The following FAM219A variants were observed in gnomAD, a reference collection of about 807,000 sequenced individuals.
The protein encoded by FAM219A is family with sequence similarity 219 member A.
A neutral mutation model predicts 23.4 loss-of-function variants in FAM219A; 7 were observed. That is an observed-to-expected ratio of 0.30 (90% CI 0.17 to 0.56). The LOEUF is 0.56. Among genes scored for constraint, FAM219A ranks in the 20% least tolerant of loss-of-function variants. FAM219A has a pLI of 0.92. For synonymous variants in FAM219A, 93 were observed against 99.0 expected (o/e 0.94, Z 0.36); for missense variants, 166 against 246.9 (o/e 0.67, Z 2.20).
In FAM219A at chr9:34,417,848, C is replaced by A. The variant is rs892176785; in HGVS notation, c.61-11884G>T. On this transcript the variant is annotated intron_variant, in intron 1 of 5. Transcript: ENST00000651358. The surrounding 1 kb of genome is among the most constrained non-coding windows in gnomAD (Gnocchi z 4.1). Reference sequence around the variant, plus strand: ...ACAAAATACTCCTGACTTGAGGCCACCAATTAAGAACAAAAGGAGGGAAGA... The same window carrying A: ...ACAAAATACTCCTGACTTGAGGCCAACAATTAAGAACAAAAGGAGGGAAGA... Among the ~76,000 whole-genome samples, 1 of 152,142 alleles carries A rather than the reference C, an allele frequency of 6.6e-6. No individual in the cohort carries two copies. Among genetic ancestry groups the A allele is most frequent in the Admixed American group, 6.5e-5 (1 of 15,272 alleles).
At chr9:34,420,798 G>T (rs1015625369) in intron 1 of FAM219A, among the ~76,000 whole-genome samples, 3 of 151,816 alleles carry the variant, frequency 2.0e-5, no homozygotes, top group Non-Finnish European at 4.4e-5. Context: ...GCAACAAAGT[G>T]AGACCCCATC....
intron 1 of FAM219A, among the ~76,000 whole-genome samples, chr9:34,448,443 C>T (rs72735222): frequency 0.05 from 7,572 of 152,294 alleles, 274 homozygotes; most frequent in Non-Finnish European, 0.065. Flanking sequence ...TAACACAATG[C>T]TCCAGGCAGC....
At chr9:34,439,351 CAATT>C (rs1228578827) in intron 1 of FAM219A, among the ~76,000 whole-genome samples, 1 of 152,188 alleles carries the variant, frequency 6.6e-6, no homozygotes, top group African/African-American at 2.4e-5. Context: ...GACTAGAAGA[CAATT>C]CATTCAGTCA....
At chr9:34,403,675 G>A (rs1821531799) in intron 2 of FAM219A, among the ~76,000 whole-genome samples, 1 of 152,216 alleles carries the variant, frequency 6.6e-6, no homozygotes, top group African/African-American at 2.4e-5. Context: ...CTGGGTCTTG[G>A]AGGAGTCCCA....
intron 1 of FAM219A, among the ~76,000 whole-genome samples, chr9:34,431,954 T>A (rs1588057743): frequency 6.6e-6 from 1 of 152,228 alleles, no homozygotes; most frequent in African/African-American, 2.4e-5. Flanking sequence ...GCATTGGTTT[T>A]AGAGTAAGTC....
intron 1 of FAM219A, among the ~76,000 whole-genome samples, chr9:34,419,388 C>T (rs766461168): frequency 2.0e-5 from 3 of 152,016 alleles, no homozygotes; most frequent in Non-Finnish European, 2.9e-5. Flanking sequence ...TTGAGGTGCC[C>T]CTTAGACAGG....
At chr9:34,430,290 A>G (rs1184790322) in intron 1 of FAM219A, among the ~76,000 whole-genome samples, 1 of 152,112 alleles carries the variant, frequency 6.6e-6, no homozygotes, top group Non-Finnish European at 1.5e-5. Flanking sequence ...GCACTCTGGG[A>G]GGCTGAGTTG....
At chr9:34,407,001 C>T (rs1003893159) in intron 1 of FAM219A, among the ~76,000 whole-genome samples, 1 of 152,016 alleles carries the variant, frequency 6.6e-6, no homozygotes, top group Non-Finnish European at 1.5e-5. Flanking sequence ...CGGGGTTTCA[C>T]CATATTGGCC....
At chr9:34,447,857 GA>G (rs980850875) in intron 1 of FAM219A, among the ~76,000 whole-genome samples, 6 of 150,576 alleles carry the variant, frequency 4.0e-5, no homozygotes, top group Non-Finnish European at 8.9e-5. Flanking sequence ...AGATCAAGTA[GA>G]AAAAAACAGT....
chr9:34,441,302 C>T (rs1464873422), intron 1 of FAM219A, among the ~76,000 whole-genome samples: 1 of 152,228 alleles, frequency 6.6e-6, no homozygotes, highest in African/African-American at 2.4e-5. Flanking sequence ...GAGGAAAAGA[C>T]CACAGTTGCT....
chr9:34,433,536 T>A (rs1822789277), intron 1 of FAM219A, among the ~76,000 whole-genome samples: 1 of 152,226 alleles, frequency 6.6e-6, no homozygotes, highest in Non-Finnish European at 1.5e-5. Flanking sequence ...AACACTGCTC[T>A]TATTGCAGTA....
chr9:34,419,636 C>G (rs552347656), intron 1 of FAM219A, among the ~76,000 whole-genome samples: 1 of 152,192 alleles, frequency 6.6e-6, no homozygotes, highest in Non-Finnish European at 1.5e-5. Context: ...CCAGCAGACA[C>G]TGACATTTGT....
rs1209424079 is a variant in FAM219A at position 34,400,575 on chromosome 9, C to G, written c.*389G>C. On this transcript the variant is annotated 3_prime_UTR_variant, in exon 6 of 6. Transcript: ENST00000651358. ...AGGCTGAGGCCGGGGCTTGGGAGTT[C>G]ATGGCTTCGCTGGGGTGGGGCCAAG... 5.8e-6 allele frequency: 1 copy of G among 172,778 alleles called. No homozygotes were observed. 10.7% of individuals were successfully genotyped at this position (172,778 alleles called of 1,614,324 possible).
chr9:34,401,848 G>T, intron 4 of FAM219A, 128 bp from the exon 5 acceptor site: 2 of 1,014,100 alleles, frequency 2.0e-6, no homozygotes, highest in Admixed American at 2.1e-5. Flanking sequence ...ATCTCAATAC[G>T]AACTGTGCTT....
intron 1 of FAM219A, among the ~76,000 whole-genome samples, chr9:34,451,882 C>A (rs1317955332): frequency 6.6e-6 from 1 of 152,162 alleles, no homozygotes; most frequent in Non-Finnish European, 1.5e-5. Context: ...AAGGAAAGTA[C>A]GTGTCCTTTT....
intron 1 of FAM219A, among the ~76,000 whole-genome samples, chr9:34,436,608 G>T (rs1358479457): frequency 1.3e-5 from 2 of 152,190 alleles, no homozygotes; most frequent in African/African-American, 4.8e-5. Flanking sequence ...GAAAGTCCTA[G>T]AAGTAGAATA....
intron 1 of FAM219A, among the ~76,000 whole-genome samples, chr9:34,425,044 G>A (rs1437168400): frequency 2.0e-5 from 3 of 151,996 alleles, no homozygotes; most frequent in African/African-American, 7.2e-5. Flanking sequence ...GAGCTCAAGC[G>A]ATCTACCCCC....
At chr9:34,442,064 A>C (rs1823195003) in intron 1 of FAM219A, among the ~76,000 whole-genome samples, 1 of 152,250 alleles carries the variant, frequency 6.6e-6, no homozygotes, top group African/African-American at 2.4e-5. Flanking sequence ...AAAAAATAGG[A>C]TAAACATATG....
chr9:34,402,139 A>C, intron 4 of FAM219A: 1 of 1,448,764 alleles, frequency 6.9e-7, no homozygotes, highest in South Asian at 1.4e-5. Context: ...ATTAGGGACA[A>C]CCATTGGATC....
Sources: gnomAD v4.1 joint callset for allele counts (sites outside exome capture counted in the v4.1 genomes callset) on GRCh38, gnomAD v4.1.1 for gene constraint, Gnocchi (gnomAD v3.1) non-coding constraint, MANE v1.5 for transcripts, NCBI Gene and HGNC (gene_info 2026-07-23, HGNC 2026-07-21) for gene names.